Variants in HS3ST3B1 observed in about 807,000 individuals in gnomAD.
HS3ST3B1 encodes heparan sulfate-glucosamine 3-sulfotransferase 3B1.
Under a neutral mutation model 21.3 loss-of-function variants are expected in HS3ST3B1, and 13 were observed. The observed-to-expected ratio is 0.61, with a 90% CI of 0.40 to 0.97. The LOEUF (loss-of-function observed/expected upper bound fraction) is 0.97. Among genes scored for constraint, HS3ST3B1 ranks in the 50% least tolerant of loss-of-function variants. The probability of loss-of-function intolerance (pLI) is 0.00; values close to 1 mark genes in which losing one functional copy is unlikely to be tolerated. For synonymous variants in HS3ST3B1, 234 were observed against 254.8 expected (o/e 0.92, Z 0.78); for missense variants, 459 against 554.8 (o/e 0.83, Z 1.73).
chr17:14,321,142 G>C (rs981678011), intron 1 of HS3ST3B1, among the ~76,000 whole-genome samples: 5 of 152,160 alleles, frequency 3.3e-5, no homozygotes, highest in African/African-American at 1.2e-4. Flanking sequence ...TTTGGTGGTG[G>C]ACTTTTCCCC....
At chr17:14,327,525 T>C (rs1272499223) in intron 1 of HS3ST3B1, 1 of 152,234 alleles carries the variant, frequency 6.6e-6, no homozygotes, top group Non-Finnish European at 1.5e-5. Flanking sequence ...CCACTTAATG[T>C]CATTGCGTCA....
At chr17:14,302,552 G>C (rs959719616) in intron 1 of HS3ST3B1, among the ~76,000 whole-genome samples, 7 of 152,146 alleles carry the variant, frequency 4.6e-5, no homozygotes, top group Non-Finnish European at 1.0e-4. Flanking sequence ...GGGCCGCGGC[G>C]TCCCGGCGAG....
chr17:14,304,008 A>G (rs1256077468), intron 1 of HS3ST3B1: 4 of 152,252 alleles, frequency 2.6e-5, no homozygotes, highest in Admixed American at 2.6e-4. Context: ...TCCACCTGCC[A>G]CGTTCTTTTT....
chr17:14,313,109 T>TATATATATATACAC (rs1909372804), intron 1 of HS3ST3B1, among the ~76,000 whole-genome samples: 22 of 112,742 alleles, frequency 2.0e-4, no homozygotes, highest in African/African-American at 8.4e-4. Flanking sequence ...TGTGTGTGTG[T>TATATATATATACAC]ATATATATAT....
At chr17:14,328,942 C>G (rs1361708777) in intron 1 of HS3ST3B1, 3 of 152,060 alleles carry the variant, frequency 2.0e-5, no homozygotes, top group Admixed American at 1.3e-4. Flanking sequence ...TTTATTTGCA[C>G]TTACTTCCCT....
intron 1 of HS3ST3B1, among the ~76,000 whole-genome samples, chr17:14,320,693 T>C (rs1276755531): frequency 6.6e-6 from 1 of 152,184 alleles, no homozygotes; most frequent in Non-Finnish European, 1.5e-5. Context: ...TCAGGTTGTG[T>C]TCCAGGTTCC....
intron 1 of HS3ST3B1, among the ~76,000 whole-genome samples, chr17:14,340,394 A>G: frequency 6.6e-6 from 1 of 151,854 alleles, no homozygotes; most frequent in South Asian, 2.1e-4. Flanking sequence ...CCTCGTAGTA[A>G]GTTTCTATCC....
rs1910611045 is a variant in HS3ST3B1 at position 14,347,385 on chromosome 17, C to T, written c.*1739C>T. The T allele has an allele frequency of 6.6e-6, 1 of 152,202 alleles. No homozygotes were observed. The highest frequency in any genetic ancestry group is 1.5e-5 in the Non-Finnish European group (1 of 68,044). The allele number at this position is 152,202 out of a possible 1,614,324, so 9.4% of individuals were successfully genotyped here. A position where few individuals can be genotyped will look rare whatever the true frequency, so the allele number is the denominator to read the frequency against. On this transcript the variant is annotated 3_prime_UTR_variant, in exon 2 of 2. Coordinates refer to ENST00000360954, the MANE Select transcript of HS3ST3B1 (RefSeq NM_006041.3). ...GTTGGTTAAACATATAGCAATATCA[C>T]ATAATGATATGTTTAATTTAACCTC...
In HS3ST3B1 at chr17:14,301,792, G is replaced by C; in HGVS notation, c.274G>C (p.Ala92Pro). Residue 92 changes from alanine to proline, a missense_variant, in exon 1 of 2, where the codon GCG becomes CCG. Around this residue, in one of 3 missense-constraint regions of HS3ST3B1, gnomAD observed 317 missense variants for 278.6 expected, o/e 1.14. Coordinates refer to ENST00000360954, the MANE Select transcript of HS3ST3B1 (RefSeq NM_006041.3). ...DGTPPRLPFRAPPATPLASGK... is the reference protein window; with the variant it reads ...DGTPPRLPFRPPPATPLASGK... ...GACGCCCCCCAGGCTGCCGTTCCGG[G>C]CGCCGCCAGCCACCCCACTGGCTTC... is the stretch of plus-strand genomic sequence containing the variant. 1.3e-6 allele frequency: 2 copies of C among 1,555,970 alleles called. No individual in the cohort carries two copies. The highest frequency in any genetic ancestry group is 1.7e-6 in the Non-Finnish European group (2 of 1,150,644).
rs1910560653 is a variant in HS3ST3B1, at chr17:14,346,073, A to G, written c.*427A>G. 1 of 178,148 alleles carries G rather than the reference A, an allele frequency of 5.6e-6. No homozygotes were observed. Among genetic ancestry groups the G allele is most frequent in the South Asian group, 1.2e-4 (1 of 8,204 alleles). 11.0% of individuals were successfully genotyped at this position (178,148 alleles called of 1,614,324 possible). On this transcript the variant is annotated 3_prime_UTR_variant, in exon 2 of 2. Coordinates refer to ENST00000360954, the MANE Select transcript of HS3ST3B1 (RefSeq NM_006041.3). ...CCTCGTAGGAACGCTGAGCTGCCTC[A>G]ACAGGGCTGTATTCTGAAGGGCAGG...
At chr17:14,327,498 G>T (rs1381428204) in intron 1 of HS3ST3B1, 1 of 152,134 alleles carries the variant, frequency 6.6e-6, no homozygotes, top group Non-Finnish European at 1.5e-5. Context: ...TTAAGTTCAA[G>T]ACTTTTATGG....
intron 1 of HS3ST3B1, chr17:14,329,514 GAAAGAAGAAAGAAAAAGAAAGGA>G (rs1909933808): frequency 6.8e-6 from 1 of 147,402 alleles, no homozygotes; most frequent in Admixed American, 6.8e-5. Flanking sequence ...GAGAGAAGGA[GAAAGAAGAAAGAAAAAGAAAGGA>G]AAAGAAGAAA....
At chr17:14,320,970 G>A (rs1447607636) in intron 1 of HS3ST3B1, among the ~76,000 whole-genome samples, 1 of 152,178 alleles carries the variant, frequency 6.6e-6, no homozygotes, top group Non-Finnish European at 1.5e-5. Context: ...CCTCTGCACC[G>A]ACCATTTGCA....
intron 1 of HS3ST3B1, among the ~76,000 whole-genome samples, chr17:14,325,510 C>T (rs2142338722): frequency 6.6e-6 from 1 of 152,174 alleles, no homozygotes; most frequent in Middle Eastern, 3.4e-3. Flanking sequence ...TATCTCTGGT[C>T]AAGAATCAAG....
intron 1 of HS3ST3B1, among the ~76,000 whole-genome samples, chr17:14,306,841 A>AAT (rs1909154179): frequency 6.6e-6 from 1 of 151,838 alleles, no homozygotes; most frequent in South Asian, 2.1e-4. Context: ...AAAAAAAAAA[A>AAT]TCTACATTTG....
At chr17:14,316,337 C>T (rs1909498028) in intron 1 of HS3ST3B1, among the ~76,000 whole-genome samples, 1 of 152,196 alleles carries the variant, frequency 6.6e-6, no homozygotes, top group Admixed American at 6.5e-5. Flanking sequence ...AGGCTGAGGC[C>T]GAGGCCGGGG....
intron 1 of HS3ST3B1, among the ~76,000 whole-genome samples, chr17:14,329,978 T>C (rs1382744010): frequency 6.6e-6 from 1 of 152,210 alleles, no homozygotes; most frequent in Non-Finnish European, 1.5e-5. Flanking sequence ...CACTGGATTC[T>C]TGGAAGAATT....
chr17:14,321,955 TATCATC>T (rs1016555726), intron 1 of HS3ST3B1, among the ~76,000 whole-genome samples: 2 of 151,898 alleles, frequency 1.3e-5, no homozygotes, highest in African/African-American at 2.4e-5. Flanking sequence ...TCACCATCAT[TATCATC>T]ATCATTATCA....
Position 14,309,121 on chromosome 17 carries a change from G to A in HS3ST3B1, c.554+7049G>A, listed in dbSNP as rs140268677. The stretch of plus-strand genomic sequence containing the variant: ...GTCCGCTCCTTTCGGGAGCTAGGGG[G>A]GCGTTGGCTTGGACATCCCGTTCTG... On this transcript the variant is annotated intron_variant, in intron 1 of 1. Transcript: ENST00000360954. 7.9e-3 allele frequency among the ~76,000 whole-genome samples: 1,203 copies of A among 152,354 alleles called. 20 individuals are homozygous for A. The highest frequency in any genetic ancestry group is 0.027 in the African/African-American group (1,125 of 41,586).
Sources: allele counts gnomAD v4.1 joint callset (sites outside exome capture counted in the v4.1 genomes callset), GRCh38; gene constraint gnomAD v4.1.1; regional missense constraint gnomAD v4.1.1; transcripts MANE v1.5; gene names NCBI Gene and HGNC (gene_info 2026-07-23, HGNC 2026-07-21).